Variants in MLKL observed in about 807,000 individuals in gnomAD.
The protein encoded by MLKL is mixed lineage kinase domain-like protein.
In MLKL, 55 loss-of-function variants were observed where a neutral mutation model predicts 56.5. That is an observed-to-expected ratio of 0.97 (90% confidence interval 0.78 to 1.22). The LOEUF (loss-of-function observed/expected upper bound fraction) is 1.22, where lower values mean the gene tolerates loss of function less well. Ranked by LOEUF, MLKL falls within the 50% of genes most tolerant of loss-of-function variation. MLKL has a pLI of 0.00. For missense variants in MLKL, 694 were observed against 573.9 expected, an observed-to-expected ratio of 1.21 and a Z score of -2.14; for synonymous variants, 251 against 208.3, an observed-to-expected ratio of 1.20 and a Z score of -1.76.
intron 10 of MLKL, among the ~76,000 whole-genome samples, chr16:74,674,309 T>C (rs905973848): frequency 1.3e-5 from 2 of 151,900 alleles, no homozygotes; most frequent in Non-Finnish European, 1.5e-5. Flanking sequence ...TGCGCCAATA[T>C]ACTTGGCTAA....
At chr16:74,688,539 C>A (rs1357928992) in intron 4 of MLKL, among the ~76,000 whole-genome samples, 4 of 151,910 alleles carry the variant, frequency 2.6e-5, no homozygotes, top group Non-Finnish European at 5.9e-5. Flanking sequence ...CATGGTGAAA[C>A]CCTGTCACCA....
chr16:74,694,194 G>A (rs1382852703), intron 2 of MLKL, among the ~76,000 whole-genome samples: 2 of 152,084 alleles, frequency 1.3e-5, no homozygotes, highest in South Asian at 4.2e-4. Flanking sequence ...TCTCCAGAAG[G>A]GTATTCAAGA....
intron 2 of MLKL, among the ~76,000 whole-genome samples, 153 bp from the exon 3 acceptor site, chr16:74,692,569 T>C (rs896305863): frequency 2.6e-5 from 4 of 152,254 alleles, no homozygotes; most frequent in African/African-American, 9.6e-5. Context: ...TATTCAGATT[T>C]CTACTTCTGA....
chr16:74,687,704 T>C (rs940575685), intron 4 of MLKL, among the ~76,000 whole-genome samples: 3 of 152,148 alleles, frequency 2.0e-5, no homozygotes, highest in Non-Finnish European at 4.4e-5. Context: ...GAACTTGCTC[T>C]GTCACCCAGG....
At chr16:74,682,908 C>G in intron 5 of MLKL, 122 bp from the exon 6 acceptor site, 1 of 1,189,926 alleles carries the variant, frequency 8.4e-7, no homozygotes, top group Admixed American at 2.5e-5. Context: ...CCATTTCTCC[C>G]CCAATCCTCA....
At chr16:74,683,226 T>C (rs1052266792) in intron 5 of MLKL, among the ~76,000 whole-genome samples, 3 of 151,444 alleles carry the variant, frequency 2.0e-5, no homozygotes, top group Non-Finnish European at 2.9e-5. Flanking sequence ...GGAGAATCAC[T>C]TGAAGCTGCG....
intron 4 of MLKL, among the ~76,000 whole-genome samples, chr16:74,688,040 G>T (rs1159228844): frequency 6.6e-6 from 1 of 152,200 alleles, no homozygotes; most frequent in East Asian, 1.9e-4. Flanking sequence ...TAGCCAGGAT[G>T]GTCTTGATCT....
Position 74,700,515 on chromosome 16 carries a change from C to A in MLKL, c.-65G>T, listed in dbSNP as rs1961323997. On this transcript the variant is annotated 5_prime_UTR_variant, in exon 1 of 11. Coordinates refer to ENST00000308807, the MANE Select transcript of MLKL (RefSeq NM_152649.4). ...CGTGCACAGTTCCAAAAAGCTCGCT[C>A]TTCCACCTTCTTTCCCACGACCGCC... 1 of 152,640 alleles carries A rather than the reference C, an allele frequency of 6.6e-6. No individual in the cohort carries two copies. The highest frequency in any genetic ancestry group is 2.4e-5 in the African/African-American group (1 of 41,472). The allele number at this position is 152,640 out of a possible 1,614,324, so 9.5% of individuals were successfully genotyped here. A position where few individuals can be genotyped will look rare whatever the true frequency, so the allele number is the denominator to read the frequency against.
At chr16:74,682,292 A>G (rs765273344) in intron 6 of MLKL, among the ~76,000 whole-genome samples, 8 of 152,186 alleles carry the variant, frequency 5.3e-5, no homozygotes, top group Non-Finnish European at 1.2e-4. Context: ...TAGTATAAGT[A>G]TATACCATGC....
At chr16:74,686,798 C>A (rs1960357756) in intron 4 of MLKL, among the ~76,000 whole-genome samples, 1 of 151,886 alleles carries the variant, frequency 6.6e-6, no homozygotes, top group African/African-American at 2.4e-5. Context: ...AGGTTCAGAG[C>A]CTATAAAAAT....
At chr16:74,688,010 A>G (rs886908437) in intron 4 of MLKL, among the ~76,000 whole-genome samples, 8 of 152,118 alleles carry the variant, frequency 5.3e-5, no homozygotes, top group South Asian at 2.1e-4. Flanking sequence ...TATTTTTAGT[A>G]GAGACGGGTT....
chr16:74,676,074 T>G, intron 7 of MLKL: 1 of 335,778 alleles, frequency 3.0e-6, no homozygotes, highest in Non-Finnish European at 5.1e-6. Context: ...GTTGCCAGTA[T>G]GACTATGTTA....
At chr16:74,681,308 G>T (rs1312590360) in intron 6 of MLKL, among the ~76,000 whole-genome samples, 1 of 152,160 alleles carries the variant, frequency 6.6e-6, no homozygotes, top group Admixed American at 6.5e-5. Flanking sequence ...TTATGGGCGT[G>T]AGCCACTGGG....
In MLKL at chr16:74,674,942, C is replaced by T; in HGVS notation, c.1381+18G>A. Reference sequence around the variant, plus strand: ...ATAATGATGGGGCTCACGCTCTTTACACCAGAAAGAACCCTACCATCCACA... The same window carrying T: ...ATAATGATGGGGCTCACGCTCTTTATACCAGAAAGAACCCTACCATCCACA... On this transcript the variant is annotated intron_variant, in intron 10 of 10. Coordinates refer to ENST00000308807, the MANE Select transcript of MLKL (RefSeq NM_152649.4). 2 of 1,609,226 alleles carry T rather than the reference C, an allele frequency of 1.2e-6. No homozygotes were observed. Among genetic ancestry groups the T allele is most frequent in the South Asian group, 1.1e-5 (1 of 90,190 alleles).
intron 4 of MLKL, among the ~76,000 whole-genome samples, chr16:74,688,793 A>G (rs997787308): frequency 6.6e-5 from 10 of 152,212 alleles, no homozygotes; most frequent in African/African-American, 2.2e-4. Flanking sequence ...AAAAAGTGGA[A>G]AAAACACAAG....
chr16:74,696,130 G>A (rs1230745979), intron 1 of MLKL, among the ~76,000 whole-genome samples: 2 of 152,184 alleles, frequency 1.3e-5, no homozygotes, highest in Admixed American at 6.5e-5. Flanking sequence ...GGGTGAAGCG[G>A]CCCTGGGGTG....
intron 2 of MLKL, among the ~76,000 whole-genome samples, chr16:74,693,290 A>G (rs969140127): frequency 6.6e-6 from 1 of 151,912 alleles, no homozygotes; most frequent in Non-Finnish European, 1.5e-5. Flanking sequence ...AGAGATAGTG[A>G]AACCCCGTCT....
At chr16:74,694,294 T>C (rs1960884963) in intron 2 of MLKL, among the ~76,000 whole-genome samples, 1 of 152,222 alleles carries the variant, frequency 6.6e-6, no homozygotes, top group South Asian at 2.1e-4. Flanking sequence ...ATTTTGTCTA[T>C]ATGGTTTCCA....
intron 1 of MLKL, among the ~76,000 whole-genome samples, chr16:74,699,230 C>G (rs1961234415): frequency 6.6e-6 from 1 of 152,038 alleles, no homozygotes; most frequent in South Asian, 2.1e-4. Flanking sequence ...ACAGACCAAC[C>G]CAGCAATCCT....
Sources: allele counts gnomAD v4.1 joint callset (sites outside exome capture counted in the v4.1 genomes callset), GRCh38; gene constraint gnomAD v4.1.1; transcripts MANE v1.5; gene names NCBI Gene and HGNC (gene_info 2026-07-23, HGNC 2026-07-21).